Variants in ATXN1 observed in about 807,000 individuals in gnomAD.
The protein encoded by ATXN1 is ataxin 1.
Under a neutral mutation model 56.4 loss-of-function variants are expected in ATXN1, and 8 were observed. The ratio of observed to expected loss-of-function variants is 0.14; its 90% CI spans 0.08 to 0.26. The LOEUF (loss-of-function observed/expected upper bound fraction) is 0.26. Ranked by LOEUF, ATXN1 falls within the 10% of genes least tolerant of loss-of-function variation. The pLI, the probability that ATXN1 is intolerant of heterozygous loss-of-function variation, is 1.00. For synonymous variants in ATXN1, 514 were observed against 494.6 expected (o/e 1.04, Z -0.52); for missense variants, 987 against 1,106.5 (o/e 0.89, Z 1.53).
intron 2 of ATXN1, among the ~76,000 whole-genome samples, chr6:16,675,085 G>A (rs981894269): frequency 1.3e-5 from 2 of 152,212 alleles, no homozygotes; most frequent in African/African-American, 4.8e-5. Context: ...GTAGAAAGCT[G>A]CAGCCCAGCA....
At position 16,306,342 on chromosome 6, in the gene ATXN1, T is replaced by A; in HGVS notation, c.2435A>T (p.Asn812Ile). 1 of 1,608,504 alleles carries A rather than the reference T, an allele frequency of 6.2e-7. No individual in the cohort carries two copies. The highest frequency in any genetic ancestry group is 8.5e-7 in the Non-Finnish European group (1 of 1,177,694). Reference protein sequence around the residue: ...EVKICIEGRSNVGK With the variant: ...EVKICIEGRSIVGK ...CCCACGCTGCCTCTACTTGCCTACA[T>A]TAGACCGGCCTTCAATGCAAATCTT... The change falls in exon 8 of 8, where the codon AAT becomes ATT. Residue 812 changes from asparagine to isoleucine, a missense_variant. Transcript: ENST00000436367. The surrounding 1 kb of genome is among the most constrained non-coding windows in gnomAD (Gnocchi z 5.2).
At chr6:16,576,195 T>C (rs1762419393) in intron 4 of ATXN1, among the ~76,000 whole-genome samples, 1 of 152,156 alleles carries the variant, frequency 6.6e-6, no homozygotes. Context: ...GAAGAGCAAA[T>C]AAGGAATATC....
chr6:16,326,998 T>C lies in ATXN1; in HGVS notation c.1313A>G (p.His438Arg). 1 of 1,614,070 alleles carries C rather than the reference T, an allele frequency of 6.2e-7. No individual in the cohort carries two copies. Among genetic ancestry groups the C allele is most frequent in the Non-Finnish European group, 8.5e-7 (1 of 1,179,990 alleles). The part of the protein sequence containing the change: ...LSPHTVIQTT[H>R]SASEPLPVGL... ...CACCGGGAGTGGCTCTGAAGCACTG[T>C]GTGTGGTCTGAATGACCGTGTGGGG... The change falls in exon 7 of 8, where the codon CAC (histidine) becomes CGC (arginine). Residue 438 changes from histidine to arginine, a missense_variant. Coordinates refer to ENST00000436367, the MANE Select transcript of ATXN1 (RefSeq NM_001128164.2). This position sits in a 1 kb window ranked among gnomAD's most constrained non-coding sequence, Gnocchi z 6.6.
chr6:16,513,841 C>T (rs9477152), intron 5 of ATXN1, among the ~76,000 whole-genome samples: 6,343 of 152,136 alleles, frequency 0.042, 445 homozygotes, highest in African/African-American at 0.14. Context: ...CTTCCTGCAC[C>T]TCTGCCCAGA....
chr6:16,543,596 C>T (rs927396915), intron 4 of ATXN1, among the ~76,000 whole-genome samples: 3 of 135,842 alleles, frequency 2.2e-5, no homozygotes, highest in African/African-American at 8.7e-5. Flanking sequence ...ATTCTGTTTG[C>T]ATGTGTTCTA....
intron 3 of ATXN1, among the ~76,000 whole-genome samples, chr6:16,626,710 A>G (rs578051155): frequency 1.3e-5 from 2 of 152,190 alleles, no homozygotes; most frequent in Non-Finnish European, 2.9e-5. Flanking sequence ...CCTAACTTCC[A>G]GTTTCTCAGA....
intron 2 of ATXN1, among the ~76,000 whole-genome samples, chr6:16,724,129 T>C (rs1006232076): frequency 6.6e-6 from 1 of 152,184 alleles, no homozygotes; most frequent in African/African-American, 2.4e-5. Flanking sequence ...GTGAGGGAAG[T>C]ACATACTTCA....
intron 6 of ATXN1, among the ~76,000 whole-genome samples, chr6:16,386,448 C>T (rs1466741853): frequency 6.6e-6 from 1 of 152,216 alleles, no homozygotes; most frequent in Non-Finnish European, 1.5e-5. Flanking sequence ...ATGCTGAGAA[C>T]TTAAACTTTT....
At position 16,326,551 on chromosome 6, in the gene ATXN1, A is replaced by C. The variant is rs756103499; in HGVS notation, c.1760T>G (p.Leu587Arg). The C allele has an allele frequency of 3.7e-6, 6 of 1,613,978 alleles. No individual in the cohort carries two copies. The highest frequency in any genetic ancestry group is 5.1e-6 in the Non-Finnish European group (6 of 1,180,022). The change falls in exon 7 of 8, where the codon CTA becomes CGA. Residue 587 changes from leucine to arginine, a missense_variant. Around this residue, in one of 3 missense-constraint regions of ATXN1, gnomAD observed 68 missense variants for 118.1 expected, o/e 0.58. Coordinates refer to ENST00000436367, the MANE Select transcript of ATXN1 (RefSeq NM_001128164.2). This position sits in a 1 kb window ranked among gnomAD's most constrained non-coding sequence, Gnocchi z 6.6. ...GSIIQLANGE[L>R]KKVEDLKTED... is the part of the protein sequence containing the mutation. ...TGTTTTTAAGTCTTCCACCTTCTTT[A>C]GCTCCCCGTTGGCCAACTGGATGAT...
chr6:16,684,401 T>C (rs993854733), intron 2 of ATXN1, among the ~76,000 whole-genome samples: 3 of 152,252 alleles, frequency 2.0e-5, no homozygotes, highest in Admixed American at 2.0e-4. Flanking sequence ...CTAATAGCTG[T>C]TGTAACATAA....
rs1760238361 is a variant in ATXN1, at chr6:16,306,040, G to C, written c.*289C>G. On this transcript the variant is annotated 3_prime_UTR_variant, in exon 8 of 8. Coordinates refer to ENST00000436367, the MANE Select transcript of ATXN1 (RefSeq NM_001128164.2). This position sits in a 1 kb window ranked among gnomAD's most constrained non-coding sequence, Gnocchi z 5.2. ...GCCCCCGGCTGCTTCTGTGCCGCTA[G>C]AGAAGGCAGGCACTGTGAAGCCCCG... is the stretch of plus-strand genomic sequence containing the variant. 3.5e-6 allele frequency: 1 copy of C among 282,610 alleles called. No individual in the cohort carries two copies. The highest frequency in any genetic ancestry group is 6.8e-6 in the Non-Finnish European group (1 of 147,540). 17.5% of individuals were successfully genotyped at this position (282,610 alleles called of 1,614,324 possible).
intron 4 of ATXN1, among the ~76,000 whole-genome samples, chr6:16,530,198 T>C (rs1195254633): frequency 6.6e-6 from 1 of 152,246 alleles, no homozygotes. Context: ...ACCAAAGCTC[T>C]ATTTTCAACA....
At position 16,328,361 on chromosome 6, in the gene ATXN1, G is replaced by A; in HGVS notation, c.-51C>T. 2 of 1,462,690 alleles carry A rather than the reference G, an allele frequency of 1.4e-6. No homozygotes were observed. The allele number at this position is 1,462,690 out of a possible 1,614,324, so 90.6% of individuals were successfully genotyped here. A position where few individuals can be genotyped will look rare whatever the true frequency, so the allele number is the denominator to read the frequency against. ...ACTGTTTCACTGTCTGGATGGCTCT[G>A]ATTTTAGTCTGATAAACGGAAAGTC... On this transcript the variant is annotated 5_prime_UTR_variant, in exon 7 of 8. Transcript: ENST00000436367. This position sits in a 1 kb window ranked among gnomAD's most constrained non-coding sequence, Gnocchi z 6.2.
intron 3 of ATXN1, among the ~76,000 whole-genome samples, chr6:16,609,995 C>T (rs72825555): frequency 0.024 from 3,639 of 151,636 alleles, 76 homozygotes; most frequent in Middle Eastern, 0.038. Flanking sequence ...AAACTACATT[C>T]GATGCAATGA....
chr6:16,672,578 C>T (rs1473733284), intron 2 of ATXN1, among the ~76,000 whole-genome samples: 1 of 152,184 alleles, frequency 6.6e-6, no homozygotes, highest in East Asian at 1.9e-4. Flanking sequence ...CCAATGTAAT[C>T]GCAAGGAAGT....
In ATXN1 at chr6:16,327,214, C is replaced by T. The variant is rs1366310582; in HGVS notation, c.1097G>A (p.Ser366Asn). The change falls in exon 7 of 8, where the codon AGC becomes AAC. Residue 366 changes from serine to asparagine, a missense_variant. Around this residue, in one of 3 missense-constraint regions of ATXN1, gnomAD observed 723 missense variants for 791.7 expected, o/e 0.91. Transcript: ENST00000436367. ...ATCACGACTGCTGTAGTCTGAGGGGCTCGGGTGGACCACCACGTGCCTGGA... is the reference window on the plus strand; with the variant it reads ...ATCACGACTGCTGTAGTCTGAGGGGTTCGGGTGGACCACCACGTGCCTGGA... ...YESRHVVVHP[S>N]PSDYSSRDPS... 1 of 1,613,586 alleles carries T rather than the reference C, an allele frequency of 6.2e-7. No homozygotes were observed. Among genetic ancestry groups the T allele is most frequent in the Non-Finnish European group, 8.5e-7 (1 of 1,179,778 alleles).
intron 6 of ATXN1, among the ~76,000 whole-genome samples, chr6:16,385,439 G>A (rs1034664639): frequency 2.0e-5 from 3 of 152,194 alleles, no homozygotes; most frequent in African/African-American, 7.2e-5. Flanking sequence ...TGGAGAAGAG[G>A]AGGCGGACAG....
At position 16,305,859 on chromosome 6, in the gene ATXN1, C is replaced by G. The variant is rs568015048; in HGVS notation, c.*470G>C. On this transcript the variant is annotated 3_prime_UTR_variant, in exon 8 of 8. Coordinates refer to ENST00000436367, the MANE Select transcript of ATXN1 (RefSeq NM_001128164.2). ...GGACACTGCTCTGAACCCCCCCGGCCCATGCCGATAGCAAGAGAGTGAGGC... is the reference window on the plus strand; with the variant it reads ...GGACACTGCTCTGAACCCCCCCGGCGCATGCCGATAGCAAGAGAGTGAGGC... 6.4e-6 allele frequency: 1 copy of G among 156,340 alleles called. No individual in the cohort carries two copies. The highest frequency in any genetic ancestry group is 2.4e-5 in the African/African-American group (1 of 41,606). The allele number at this position is 156,340 out of a possible 1,614,324, so 9.7% of individuals were successfully genotyped here.
intron 3 of ATXN1, among the ~76,000 whole-genome samples, chr6:16,656,102 A>C (rs28431830): frequency 4.2e-5 from 6 of 144,546 alleles, no homozygotes; most frequent in Non-Finnish European, 9.1e-5. Flanking sequence ...AAAAAAAAAA[A>C]CAAAAAAATT....
Sources: allele counts gnomAD v4.1 joint callset (sites outside exome capture counted in the v4.1 genomes callset), GRCh38; gene constraint gnomAD v4.1.1; regional missense constraint gnomAD v4.1.1; non-coding constraint Gnocchi (gnomAD v3.1); transcripts MANE v1.5; gene names NCBI Gene and HGNC (gene_info 2026-07-23, HGNC 2026-07-21).